Variants in ZNF385D observed in about 807,000 individuals in gnomAD.
ZNF385D encodes the protein zinc finger protein 659.
A neutral mutation model predicts 35.8 loss-of-function variants in ZNF385D; 15 were observed. The ratio of observed to expected loss-of-function variants is 0.42; its 90% CI spans 0.28 to 0.64. The LOEUF (loss-of-function observed/expected upper bound fraction) is 0.64. Among genes scored for constraint, ZNF385D ranks in the 30% least tolerant of loss-of-function variants. ZNF385D has a pLI of 0.23. For synonymous variants in ZNF385D, 212 were observed against 186.8 expected, an observed-to-expected ratio of 1.13 and a Z score of -1.10; for missense variants, 474 against 494.6, an observed-to-expected ratio of 0.96 and a Z score of 0.39.
chr3:21,555,409 T>A (rs893767588), intron 3 of ZNF385D, among the ~76,000 whole-genome samples: 1 of 152,070 alleles, frequency 6.6e-6, no homozygotes, highest in African/African-American at 2.4e-5. Flanking sequence ...GATGTTCCCT[T>A]CCCTGTGTCC....
chr3:22,043,470 T>C (rs916928336), intron 3 of ZNF385D, among the ~76,000 whole-genome samples: 4 of 151,962 alleles, frequency 2.6e-5, no homozygotes, highest in Non-Finnish European at 5.9e-5. Context: ...AGTATAATTA[T>C]CAAATTTATT....
chr3:22,167,205 C>A (rs1292326204), intron 3 of ZNF385D, among the ~76,000 whole-genome samples: 1 of 152,176 alleles, frequency 6.6e-6, no homozygotes, highest in African/African-American at 2.4e-5. Context: ...TCTGATTGAT[C>A]CCCACCCTTT....
intron 3 of ZNF385D, among the ~76,000 whole-genome samples, chr3:22,014,269 G>A (rs1350037527): frequency 6.6e-6 from 1 of 152,058 alleles, no homozygotes; most frequent in South Asian, 2.1e-4. Context: ...TTGCCCAATG[G>A]CAAAAGACTG....
intron 2 of ZNF385D, among the ~76,000 whole-genome samples, chr3:21,649,741 A>T (rs2065858332): frequency 6.6e-6 from 1 of 152,140 alleles, no homozygotes; most frequent in Admixed American, 6.5e-5. Flanking sequence ...GCTAGAATTT[A>T]TTTTTTCCCA....
chr3:22,170,336 A>C (rs2125760166), intron 2 of ZNF385D, among the ~76,000 whole-genome samples: 1 of 152,340 alleles, frequency 6.6e-6, no homozygotes, highest in Non-Finnish European at 1.5e-5. Context: ...TAAATGAGAT[A>C]ACAAATGCTG....
intron 2 of ZNF385D, among the ~76,000 whole-genome samples, chr3:21,612,254 T>C (rs569501068): frequency 1.7e-3 from 257 of 152,166 alleles, no homozygotes; most frequent in Non-Finnish European, 3.3e-3. Flanking sequence ...CCCGCTAATT[T>C]TTTTTATTTT....
At chr3:21,722,102 A>C (rs77837609) in intron 1 of ZNF385D, among the ~76,000 whole-genome samples, 1 of 93,922 alleles carries the variant, frequency 1.1e-5, no homozygotes, top group Admixed American at 1.1e-4. Context: ...TCTGTCTCAA[A>C]AAAAAAAAAA....
At chr3:21,642,008 C>T (rs916971067) in intron 2 of ZNF385D, among the ~76,000 whole-genome samples, 2 of 151,996 alleles carry the variant, frequency 1.3e-5, no homozygotes, top group African/African-American at 2.4e-5. Flanking sequence ...TTTGTCACCA[C>T]GTGTACAGTA....
intron 3 of ZNF385D, among the ~76,000 whole-genome samples, chr3:21,881,107 G>A (rs1018609555): frequency 4.6e-5 from 7 of 152,004 alleles, no homozygotes; most frequent in Admixed American, 4.6e-4. Flanking sequence ...TGATGTAGAA[G>A]CTTCAGCAAG....
chr3:22,292,795 C>G (rs887647292), intron 2 of ZNF385D, among the ~76,000 whole-genome samples: 1 of 151,984 alleles, frequency 6.6e-6, no homozygotes, highest in Non-Finnish European at 1.5e-5. Flanking sequence ...GACTTCTTAT[C>G]TACTTATATT....
chr3:21,492,906 A>C (rs1404758704), intron 4 of ZNF385D, among the ~76,000 whole-genome samples: 2 of 152,038 alleles, frequency 1.3e-5, no homozygotes, highest in African/African-American at 2.4e-5. Flanking sequence ...TTTTTGAATA[A>C]AGGGAATAAT....
chr3:21,857,891 C>A (rs903129328), intron 3 of ZNF385D, among the ~76,000 whole-genome samples: 1 of 151,808 alleles, frequency 6.6e-6, no homozygotes, highest in Non-Finnish European at 1.5e-5. Context: ...TAATAAATAG[C>A]CATGGAACAA....
chr3:21,976,875 C>T (rs530167670), intron 3 of ZNF385D, among the ~76,000 whole-genome samples: 1 of 152,124 alleles, frequency 6.6e-6, no homozygotes, highest in East Asian at 1.9e-4. Context: ...GTAATCCCAG[C>T]TACTTGGGAG....
chr3:21,774,533 T>C (rs1203730638), intron 3 of ZNF385D, among the ~76,000 whole-genome samples: 1 of 151,676 alleles, frequency 6.6e-6, no homozygotes, highest in Non-Finnish European at 1.5e-5. Context: ...AGATGGGAAA[T>C]AGGGAGTAGA....
intron 5 of ZNF385D, 63 bp from the exon 6 acceptor site, chr3:21,425,733 G>A (rs534530271): frequency 5.3e-5 from 77 of 1,444,804 alleles, no homozygotes; most frequent in Admixed American, 1.8e-4. Context: ...GAGAGAAGGA[G>A]GTGGGATGGG....
chr3:21,931,248 T>A (rs1700992662), intron 3 of ZNF385D, among the ~76,000 whole-genome samples: 2 of 152,082 alleles, frequency 1.3e-5, no homozygotes, highest in Admixed American at 6.6e-5. Context: ...TGATATATAA[T>A]TTTTTTACCC....
chr3:21,511,102 C>G, intron 3 of ZNF385D, 79 bp from the exon 4 acceptor site: 9 of 1,534,412 alleles, frequency 5.9e-6, no homozygotes, highest in Non-Finnish European at 8.0e-6. Flanking sequence ...CAAATACAGA[C>G]TCCCTTTCAA....
rs772659752 is a variant in ZNF385D, at chr3:21,421,360, C to T, written c.1042G>A (p.Ala348Thr). The T allele has an allele frequency of 6.2e-7, 1 of 1,612,584 alleles. No individual in the cohort carries two copies. Among genetic ancestry groups the T allele is most frequent in the East Asian group, 2.2e-5 (1 of 44,842 alleles). Residue 348 changes from alanine (A) to threonine (T), a missense_variant, in exon 8 of 8, where the codon GCA becomes ACA. Ala to Thr is a moderately conservative substitution (Grantham distance 58). Transcript: ENST00000281523. Reference protein sequence around the residue: ...NPLAAAAAAAAVAVSSPFSLR... With the variant: ...NPLAAAAAAATVAVSSPFSLR... ...CTGAAGGGGGAACTCACTGCCACTGCTGCTGCGGCTGCTGCAGCTGCTAGA... is the reference window on the plus strand; with the variant it reads ...CTGAAGGGGGAACTCACTGCCACTGTTGCTGCGGCTGCTGCAGCTGCTAGA...
chr3:21,825,909 G>A (rs530744508), intron 3 of ZNF385D, among the ~76,000 whole-genome samples: 61 of 152,150 alleles, frequency 4.0e-4, no homozygotes, highest in Admixed American at 7.2e-4. Context: ...CCACCAGCGG[G>A]GGCATTAGAT....
Sources: allele counts gnomAD v4.1 joint callset (sites outside exome capture counted in the v4.1 genomes callset), GRCh38; gene constraint gnomAD v4.1.1; transcripts MANE v1.5; gene names NCBI Gene and HGNC (gene_info 2026-07-23, HGNC 2026-07-21).